TMEM144: variants seen among roughly 807,000 people sequenced by gnomAD.
TMEM144 encodes transmembrane protein 144.
In TMEM144, 39 loss-of-function variants were observed where a neutral mutation model predicts 43.6. That is an observed-to-expected ratio of 0.90 (90% CI 0.69 to 1.17). TMEM144 has a LOEUF of 1.17. TMEM144 is among the 50% of genes most tolerant of loss of function. The pLI, the probability that TMEM144 is intolerant of heterozygous loss-of-function variation, is 0.00. For synonymous variants in TMEM144, 154 were observed against 133.6 expected (o/e 1.15, Z -1.06); for missense variants, 417 against 411.9 (o/e 1.01, Z -0.11).
chr4:158,221,502 C>G (rs755479983), intron 6 of TMEM144, among the ~76,000 whole-genome samples: 46 of 152,142 alleles, frequency 3.0e-4, no homozygotes, highest in Non-Finnish European at 6.2e-4. Context: ...GAGCTGACAC[C>G]AAGAAACAAT....
Position 158,254,751 on chromosome 4 carries a change from C to G in TMEM144, c.*1224C>G, listed in dbSNP as rs954922932. 1 of 152,130 alleles carries G rather than the reference C, an allele frequency of 6.6e-6. No homozygotes were observed. Among genetic ancestry groups the G allele is most frequent in the Non-Finnish European group, 1.5e-5 (1 of 68,024 alleles). 9.4% of individuals were successfully genotyped at this position (152,130 alleles called of 1,614,324 possible). A position where few individuals can be genotyped will look rare whatever the true frequency, so the allele number is the denominator to read the frequency against. On this transcript the variant is annotated 3_prime_UTR_variant, in exon 13 of 13. Transcript: ENST00000296529. Reference sequence around the variant, plus strand: ...TCCCACCTGATAGTACTGTTTATTACTTTGCTATGCAGGAGAAACAAAACA... The same window carrying G: ...TCCCACCTGATAGTACTGTTTATTAGTTTGCTATGCAGGAGAAACAAAACA...
chr4:158,216,904 A>G (rs1438292938), intron 4 of TMEM144, among the ~76,000 whole-genome samples: 1 of 151,872 alleles, frequency 6.6e-6, no homozygotes, highest in East Asian at 1.9e-4. Flanking sequence ...AATCCAGAAG[A>G]CAAATCAGCA....
At position 158,217,414 on chromosome 4, in the gene TMEM144, G is replaced by C. The variant is rs34045861; in HGVS notation, c.326G>C (p.Ser109Thr). The change falls in exon 5 of 13, where the codon AGC becomes ACC. Residue 109 changes from serine (S) to threonine (T), a missense_variant. Physicochemically the swap from Ser to Thr is moderately conservative, Grantham distance 58. Coordinates refer to ENST00000296529, the MANE Select transcript of TMEM144 (RefSeq NM_018342.5). ...TTTAATGCCTTAACTGGCTGGGCAA[G>C]CTCAAGGTAATTCAAGTCAAACTAG... is the stretch of plus-strand genomic sequence containing the variant. ...GSFNALTGWA[S>T]SRFGWFGLDA... 3.7e-6 allele frequency: 6 copies of C among 1,611,432 alleles called. No individual in the cohort carries two copies. The highest frequency in any genetic ancestry group is 3.3e-5 in the Admixed American group (2 of 59,926).
chr4:158,240,590 G>C (rs1398398552), intron 10 of TMEM144, among the ~76,000 whole-genome samples, 172 bp downstream of exon 10: 3 of 152,000 alleles, frequency 2.0e-5, no homozygotes, highest in Non-Finnish European at 4.4e-5. Flanking sequence ...CTTTTGCCCA[G>C]TTCACCACCA....
In TMEM144 at chr4:158,232,962, A is replaced by G. The variant is rs766599221; in HGVS notation, c.475A>G (p.Thr159Ala). The stretch of plus-strand genomic sequence containing the variant: ...AAATAACACGTGTTCCATGGATACC[A>G]CTCCATTAATAACAGAGCATGTGAG... ...IPNNTCSMDT[T>A]PLITEHVINT... Residue 159 changes from threonine (T) to alanine (A), a missense_variant, in exon 7 of 13, where the codon ACT (threonine) becomes GCT (alanine). By Grantham distance (58) the Thr-to-Ala change is moderately conservative. Transcript: ENST00000296529. 1.9e-6 allele frequency: 3 copies of G among 1,610,396 alleles called. No homozygotes were observed. The highest frequency in any genetic ancestry group is 1.7e-6 in the Non-Finnish European group (2 of 1,178,114).
In TMEM144 at chr4:158,248,123, T is replaced by TAAA. The variant is rs753919532; in HGVS notation, c.954+3794_954+3796dup. ...GAGGGCCAAGCTGAAAGCAAAGAAT[T>TAAA]AAAAAAAAAAAAAAAAAAAAAACCT... is the stretch of plus-strand genomic sequence containing the variant. On this transcript the variant is annotated intron_variant, in intron 12 of 12. Coordinates refer to ENST00000296529, the MANE Select transcript of TMEM144 (RefSeq NM_018342.5). 5.3e-3 allele frequency among the ~76,000 whole-genome samples: 528 copies of TAAA among 99,594 alleles called. 3 individuals are homozygous for TAAA. Among genetic ancestry groups the TAAA allele is most frequent in the African/African-American group, 0.018 (505 of 27,624 alleles). 65.3% of individuals were successfully genotyped at this position (99,594 alleles called of 152,430 possible).
intron 6 of TMEM144, among the ~76,000 whole-genome samples, chr4:158,229,155 A>C (rs1354134588): frequency 1.3e-5 from 2 of 152,074 alleles, no homozygotes; most frequent in Non-Finnish European, 2.9e-5. Flanking sequence ...TCTGGTTCCT[A>C]GGCGCCGGGC....
Position 158,237,564 on chromosome 4 carries a change from A to T in TMEM144, c.603A>T (p.Gly201=), listed in dbSNP as rs1488516796. Residue 201 remains glycine (G), a synonymous_variant, in exon 9 of 13, where the codon GGA becomes GGT. Coordinates refer to ENST00000296529, the MANE Select transcript of TMEM144 (RefSeq NM_018342.5). ...SLAVISGVLY[G]STFVPIIYIK... ...CAGTGATATCTGGAGTACTCTATGG[A>T]TCTACATTTGTGCCAATCATCTACA... The T allele has an allele frequency of 3.1e-6, 5 of 1,613,866 alleles. No homozygotes were observed. In the East Asian group the frequency reaches 8.9e-5, roughly 29 times the overall value.
At chr4:158,245,138 G>T (rs1735821816) in intron 12 of TMEM144, among the ~76,000 whole-genome samples, 1 of 151,732 alleles carries the variant, frequency 6.6e-6, no homozygotes, top group African/African-American at 2.4e-5. Flanking sequence ...ATGGTAACAG[G>T]AGGCTATTGC....
intron 12 of TMEM144, among the ~76,000 whole-genome samples, chr4:158,252,814 A>C (rs1392405943): frequency 6.6e-6 from 1 of 151,632 alleles, no homozygotes; most frequent in East Asian, 1.9e-4. Flanking sequence ...TCTCAAAAAA[A>C]AAAAAAAAGA....
rs779210541 is a variant in TMEM144 at position 158,219,346 on chromosome 4, A to G, written c.369A>G (p.Ser123=). ...GWFGLDAEEV[S]NPLLNYIGAG... The stretch of plus-strand genomic sequence containing the variant: ...TTGGATTGGATGCAGAAGAAGTATC[A>G]AATCCGCTGCTAAATTACATTGGAG... The change falls in exon 6 of 13, where the codon TCA becomes TCG. Residue 123 remains serine, a synonymous_variant. Coordinates refer to ENST00000296529, the MANE Select transcript of TMEM144 (RefSeq NM_018342.5). The G allele has an allele frequency of 2.5e-6, 4 of 1,613,944 alleles. No individual in the cohort carries two copies. Among genetic ancestry groups the G allele is most frequent in the Non-Finnish European group, 3.4e-6 (4 of 1,179,842 alleles).
At chr4:158,231,317 T>C (rs1049400843) in intron 6 of TMEM144, among the ~76,000 whole-genome samples, 3 of 151,974 alleles carry the variant, frequency 2.0e-5, no homozygotes, top group African/African-American at 7.3e-5. Context: ...GAAAGGTGAG[T>C]GGAAGCCATC....
chr4:158,247,922 CAAA>C (rs144376928), intron 12 of TMEM144, among the ~76,000 whole-genome samples: 1 of 78,698 alleles, frequency 1.3e-5, no homozygotes. Context: ...TAAAAATAGG[CAAA>C]AAAAAAAAAA....
At chr4:158,248,975 C>T (rs1010543775) in intron 12 of TMEM144, among the ~76,000 whole-genome samples, 5 of 152,086 alleles carry the variant, frequency 3.3e-5, no homozygotes, top group East Asian at 1.9e-4. Flanking sequence ...GATGCGATCT[C>T]GGCTCACTGC....
intron 9 of TMEM144, among the ~76,000 whole-genome samples, chr4:158,238,266 A>G (rs1024740407): frequency 1.3e-5 from 2 of 152,224 alleles, no homozygotes; most frequent in Admixed American, 6.5e-5. Context: ...AAGATCATTC[A>G]TAAAATAAAG....
chr4:158,234,463 C>T (rs1424816916), intron 7 of TMEM144: 1 of 151,752 alleles, frequency 6.6e-6, no homozygotes, highest in Non-Finnish European at 1.5e-5. Flanking sequence ...TCACTTGAAC[C>T]TGGGAGGAGG....
chr4:158,247,188 C>A (rs1374890964), intron 12 of TMEM144, among the ~76,000 whole-genome samples: 2 of 151,888 alleles, frequency 1.3e-5, no homozygotes, highest in East Asian at 3.9e-4. Flanking sequence ...CTATACTAAC[C>A]TCTTAATAAG....
At chr4:158,228,516 A>C (rs1734891401) in intron 6 of TMEM144, among the ~76,000 whole-genome samples, 1 of 152,228 alleles carries the variant, frequency 6.6e-6, no homozygotes, top group Admixed American at 6.5e-5. Context: ...TCCAAGTACC[A>C]GTTCCTTCCC....
At chr4:158,215,384 A>G (rs776199358) in intron 4 of TMEM144, 71 bp downstream of exon 4, 12 of 1,546,850 alleles carry the variant, frequency 7.8e-6, no homozygotes, top group Non-Finnish European at 9.7e-6. Context: ...TCACAATAGG[A>G]GGAAATAGCG....
Sources: gnomAD v4.1 joint callset for allele counts (sites outside exome capture counted in the v4.1 genomes callset) on GRCh38, gnomAD v4.1.1 for gene constraint, MANE v1.5 for transcripts, NCBI Gene and HGNC (gene_info 2026-07-23, HGNC 2026-07-21) for gene names.